Variants in ARL15 observed in about 807,000 individuals in gnomAD.
ARL15 encodes the protein ADP-ribosylation factor-like protein 15.
A neutral mutation model predicts 25.2 loss-of-function variants in ARL15; 19 were observed. The observed-to-expected ratio is 0.75, with a 90% CI of 0.53 to 1.10. The LOEUF is 1.10. Ranked by LOEUF, ARL15 falls within the 50% of genes least tolerant of loss-of-function variation. The pLI, the probability that ARL15 is intolerant of heterozygous loss-of-function variation, is 0.00. For synonymous variants in ARL15, 94 were observed against 86.8 expected, an observed-to-expected ratio of 1.08 and a Z score of -0.46; for missense variants, 220 against 246.0, an observed-to-expected ratio of 0.89 and a Z score of 0.71.
At chr5:54,208,834 G>A (rs1188599875) in intron 1 of ARL15, among the ~76,000 whole-genome samples, 8 of 152,098 alleles carry the variant, frequency 5.3e-5, no homozygotes, top group Admixed American at 4.6e-4. Flanking sequence ...ATGCAGCAGG[G>A]CTGGTCAACA....
At chr5:54,141,467 C>T (rs141731191) in intron 3 of ARL15, among the ~76,000 whole-genome samples, 31 of 151,542 alleles carry the variant, frequency 2.0e-4, no homozygotes, top group African/African-American at 4.8e-4. Context: ...ACAATTTCAA[C>T]GATTTTTAAC....
At chr5:54,167,108 C>G (rs906711489) in intron 2 of ARL15, among the ~76,000 whole-genome samples, 6 of 152,202 alleles carry the variant, frequency 3.9e-5, no homozygotes, top group African/African-American at 1.2e-4. Context: ...CTGGTGATTA[C>G]AGGCATAGTT....
chr5:54,266,298 T>C (rs1757623289), intron 1 of ARL15, among the ~76,000 whole-genome samples: 2 of 152,168 alleles, frequency 1.3e-5, no homozygotes, highest in Non-Finnish European at 2.9e-5. Context: ...CTGTACATAA[T>C]AGATGACCTT....
intron 4 of ARL15, among the ~76,000 whole-genome samples, chr5:53,976,183 G>A (rs1195817160): frequency 6.6e-6 from 1 of 152,168 alleles, no homozygotes; most frequent in Non-Finnish European, 1.5e-5. Context: ...GGTCTACTGG[G>A]GTAGTGTAGC....
intron 4 of ARL15, among the ~76,000 whole-genome samples, chr5:53,923,011 G>T (rs755752267): frequency 2.0e-5 from 3 of 152,156 alleles, no homozygotes; most frequent in African/African-American, 7.2e-5. Context: ...ACCTATACAC[G>T]CTTTCATTTA....
intron 1 of ARL15, among the ~76,000 whole-genome samples, chr5:54,205,195 T>C (rs1471196238): frequency 6.6e-6 from 1 of 152,116 alleles, no homozygotes; most frequent in African/African-American, 2.4e-5. Flanking sequence ...TGAAGTACTT[T>C]CCAAGCACTT....
rs75884897 is a variant in ARL15 at position 54,008,721 on chromosome 5, C to T, written c.462+104481G>A. On this transcript the variant is annotated intron_variant, in intron 4 of 4. Transcript: ENST00000504924. ...AGAAACACTGAAATCTTTTCCCAGT[C>T]CCTGTGCTTCATCCTTGTTTTCCCA... 1.8e-3 allele frequency among the ~76,000 whole-genome samples: 271 copies of T among 152,330 alleles called. 2 individuals carry two copies. The highest frequency in any genetic ancestry group is 3.3e-3 in the Non-Finnish European group (227 of 68,034).
chr5:54,103,345 C>T (rs934629492), intron 4 of ARL15, among the ~76,000 whole-genome samples: 1 of 152,012 alleles, frequency 6.6e-6, no homozygotes, highest in Non-Finnish European at 1.5e-5. Flanking sequence ...CTTCATTAGA[C>T]CTTTGTAGTA....
chr5:53,898,984 G>A (rs1203718153), intron 4 of ARL15, among the ~76,000 whole-genome samples: 1 of 152,070 alleles, frequency 6.6e-6, no homozygotes, highest in Non-Finnish European at 1.5e-5. Context: ...TGGTAGTTGT[G>A]TCTCTTCTTT....
At chr5:54,005,363 C>T (rs1748992703) in intron 4 of ARL15, among the ~76,000 whole-genome samples, 1 of 152,140 alleles carries the variant, frequency 6.6e-6, no homozygotes. Flanking sequence ...CAGTCTGTCC[C>T]CCAGGTGACT....
chr5:54,152,136 C>T (rs957075274), intron 3 of ARL15, among the ~76,000 whole-genome samples: 1 of 152,138 alleles, frequency 6.6e-6, no homozygotes, highest in South Asian at 2.1e-4. Flanking sequence ...GAGCAACCCT[C>T]CACTGGTGAA....
intron 1 of ARL15, among the ~76,000 whole-genome samples, chr5:54,250,121 G>A (rs146123706): frequency 6.9e-4 from 105 of 152,234 alleles, no homozygotes; most frequent in African/African-American, 2.4e-3. Flanking sequence ...AGGCTAGCAG[G>A]GAGCAGGCCT....
At chr5:54,090,394 G>A (rs1752095249) in intron 4 of ARL15, among the ~76,000 whole-genome samples, 1 of 150,808 alleles carries the variant, frequency 6.6e-6, no homozygotes, top group Non-Finnish European at 1.5e-5. Flanking sequence ...ATTATTTGGA[G>A]ATGTATATAT....
At chr5:54,004,711 A>G (rs1250403558) in intron 4 of ARL15, among the ~76,000 whole-genome samples, 1 of 152,066 alleles carries the variant, frequency 6.6e-6, no homozygotes, top group Non-Finnish European at 1.5e-5. Flanking sequence ...ACAGGACATT[A>G]GATAAATACT....
At chr5:54,089,963 TG>T (rs1752084276) in intron 4 of ARL15, among the ~76,000 whole-genome samples, 1 of 152,200 alleles carries the variant, frequency 6.6e-6, no homozygotes, top group Non-Finnish European at 1.5e-5. Flanking sequence ...TACCATATAC[TG>T]ATAAGGATAT....
chr5:54,004,614 C>A (rs536294638), intron 4 of ARL15, among the ~76,000 whole-genome samples: 1 of 152,206 alleles, frequency 6.6e-6, no homozygotes, highest in South Asian at 2.1e-4. Flanking sequence ...ACACTGTTAT[C>A]CACTTATGTA....
At chr5:53,896,299 G>A (rs1744870789) in intron 4 of ARL15, among the ~76,000 whole-genome samples, 1 of 152,072 alleles carries the variant, frequency 6.6e-6, no homozygotes, top group Non-Finnish European at 1.5e-5. Flanking sequence ...CTCCCAAAGT[G>A]CTGGGATTAC....
chr5:54,062,599 T>C (rs1483333839), intron 4 of ARL15, among the ~76,000 whole-genome samples: 1 of 151,916 alleles, frequency 6.6e-6, no homozygotes, highest in African/African-American at 2.4e-5. Context: ...TGTGATTTAC[T>C]CCTCCTTGCC....
intron 4 of ARL15, among the ~76,000 whole-genome samples, chr5:53,932,445 C>T (rs1456003902): frequency 6.6e-6 from 1 of 152,110 alleles, no homozygotes; most frequent in Non-Finnish European, 1.5e-5. Context: ...GCACAAAGAC[C>T]AGTTACAAAA....
Sources: gnomAD v4.1 joint callset for allele counts (sites outside exome capture counted in the v4.1 genomes callset) on GRCh38, gnomAD v4.1.1 for gene constraint, MANE v1.5 for transcripts, NCBI Gene and HGNC (gene_info 2026-07-23, HGNC 2026-07-21) for gene names.